Variants in RUBCN observed in about 807,000 individuals in gnomAD.
RUBCN encodes rubicon autophagy regulator.
RUBCN carries 74 observed loss-of-function variants against 113.2 expected under a neutral mutation model. The observed-to-expected ratio is 0.65, with a 90% CI of 0.54 to 0.79. The LOEUF is 0.79. Among genes scored for constraint, RUBCN ranks in the 30% least tolerant of loss-of-function variants. RUBCN has a pLI of 0.00. For synonymous variants in RUBCN, 480 were observed against 490.0 expected (o/e 0.98, Z 0.27); for missense variants, 1,109 against 1,251.7 (o/e 0.89, Z 1.72).
chr3:197,737,709 G>C (rs888686262), upstream of RUBCN, among the ~76,000 whole-genome samples: 2 of 152,136 alleles, frequency 1.3e-5, no homozygotes, highest in Admixed American at 1.3e-4. Context: ...CGAATCTGAT[G>C]AGAAAGCCAC....
chr3:197,746,739 C>A (rs1398792), intron 1 of RUBCN, among the ~76,000 whole-genome samples: 1 of 151,948 alleles, frequency 6.6e-6, no homozygotes, highest in Non-Finnish European at 1.5e-5. Flanking sequence ...TTGTGTGAAA[C>A]GAAGTCTTTT....
chr3:197,735,733 A>G (rs557938549), intron 1 of RUBCN, among the ~76,000 whole-genome samples: 173 of 152,210 alleles, frequency 1.1e-3, no homozygotes, highest in South Asian at 2.7e-3. Flanking sequence ...CTGGCACCAC[A>G]GGTGAGCACC....
intron 1 of RUBCN, among the ~76,000 whole-genome samples, chr3:197,724,917 C>T (rs1409779942): frequency 6.6e-6 from 1 of 152,084 alleles, no homozygotes; most frequent in Non-Finnish European, 1.5e-5. Context: ...TGGTGGCTCA[C>T]GCCTGTAACC....
At chr3:197,684,408 C>T (rs575091207) in intron 11 of RUBCN, among the ~76,000 whole-genome samples, 191 bp from the exon 12 acceptor site, 11 of 152,256 alleles carry the variant, frequency 7.2e-5, no homozygotes, top group Admixed American at 3.3e-4. Flanking sequence ...CAAAACCAGG[C>T]TGAATTAGTA....
At chr3:197,691,532 C>T (rs892445250) in intron 11 of RUBCN, among the ~76,000 whole-genome samples, 2 of 152,102 alleles carry the variant, frequency 1.3e-5, no homozygotes, top group African/African-American at 2.4e-5. Context: ...ATCTGGCCCA[C>T]GTGTTGGGAA....
In RUBCN at chr3:197,675,272, A is replaced by C; in HGVS notation, c.2741-76T>G. ...CCAGCTAGAGGTCAGTTGCTGCCAC[A>C]GCCCCTTCTCGCCACCAAGGCGTGG... On this transcript the variant is annotated intron_variant, in intron 19 of 19. Coordinates refer to ENST00000296343, the MANE Select transcript of RUBCN (RefSeq NM_014687.4). The surrounding 1 kb of genome is among the most constrained non-coding windows in gnomAD (Gnocchi z 4.4). The C allele has an allele frequency of 3.2e-6, 5 of 1,581,560 alleles. No homozygotes were observed. Among genetic ancestry groups the C allele is most frequent in the Middle Eastern group, 1.7e-4 (1 of 5,948 alleles).
chr3:197,746,643 TA>T (rs1209960897), intron 1 of RUBCN, among the ~76,000 whole-genome samples: 2 of 152,230 alleles, frequency 1.3e-5, no homozygotes, highest in African/African-American at 4.8e-5. Context: ...ATATTTGTAC[TA>T]AACAATTGTC....
chr3:197,725,267 G>A (rs569274785), intron 1 of RUBCN, among the ~76,000 whole-genome samples: 2 of 152,006 alleles, frequency 1.3e-5, no homozygotes, highest in South Asian at 2.1e-4. Flanking sequence ...CTGAGGTAGC[G>A]AGAGACTATC....
chr3:197,739,102 G>A (rs1056535051), upstream of RUBCN, among the ~76,000 whole-genome samples: 3 of 150,052 alleles, frequency 2.0e-5, no homozygotes, highest in South Asian at 2.2e-4. Flanking sequence ...CACCACGCCC[G>A]GCTAATTTTG....
chr3:197,737,865 C>T (rs28444284), upstream of RUBCN, among the ~76,000 whole-genome samples: 1 of 151,964 alleles, frequency 6.6e-6, no homozygotes, highest in Non-Finnish European at 1.5e-5. Flanking sequence ...AAACGTGGGC[C>T]TAGGGTTGCC....
At chr3:197,745,888 T>C (rs1003682023) in intron 1 of RUBCN, among the ~76,000 whole-genome samples, 1 of 152,018 alleles carries the variant, frequency 6.6e-6, no homozygotes, top group African/African-American at 2.4e-5. Flanking sequence ...AATACAAAAA[T>C]TAGCTGGGCG....
chr3:197,685,192 T>G (rs1245906979), intron 11 of RUBCN, among the ~76,000 whole-genome samples: 3 of 152,162 alleles, frequency 2.0e-5, no homozygotes, highest in Admixed American at 6.5e-5. Flanking sequence ...ACCCAAATAC[T>G]TTTGATGGGG....
At chr3:197,738,303 T>C (rs973363681), upstream of RUBCN, among the ~76,000 whole-genome samples, 1 of 152,190 alleles carries the variant, frequency 6.6e-6, no homozygotes, top group African/African-American at 2.4e-5. Context: ...CACTACTCTA[T>C]AAAGGACTGA....
rs1268220242 is a variant in RUBCN at position 197,670,989 on chromosome 3, A to G, written c.*4029T>C. Among the ~76,000 whole-genome samples the G allele has an allele frequency of 6.6e-6, 1 of 152,162 alleles. No homozygotes were observed. The highest frequency in any genetic ancestry group is 1.5e-5 in the Non-Finnish European group (1 of 68,022). On this transcript the variant is annotated 3_prime_UTR_variant, in exon 20 of 20. Transcript: ENST00000296343. ...AGAGGTGGTCACAATCCCGCCCCTC[A>G]TGCCACAGTGTGCTGGTGCTTTTTT...
chr3:197,721,303 T>TC (rs532335520), intron 1 of RUBCN, among the ~76,000 whole-genome samples: 14 of 152,200 alleles, frequency 9.2e-5, no homozygotes, highest in Non-Finnish European at 1.5e-4. Context: ...TATTGGTGTG[T>TC]CCAGGTTTTC....
At chr3:197,680,124 A>T (rs1351097726) in intron 16 of RUBCN, among the ~76,000 whole-genome samples, 3 of 119,260 alleles carry the variant, frequency 2.5e-5, no homozygotes, top group African/African-American at 1.0e-4. Context: ...CTGGCTTCAG[A>T]CTGTCCTACG....
At chr3:197,701,376 T>G (rs943860044) in intron 6 of RUBCN, among the ~76,000 whole-genome samples, 1 of 152,332 alleles carries the variant, frequency 6.6e-6, no homozygotes. Context: ...AGAGGACTGT[T>G]TGAAGGCTCA....
At chr3:197,677,132 T>C in intron 17 of RUBCN, 94 bp from the exon 18 acceptor site, 2 of 1,359,438 alleles carry the variant, frequency 1.5e-6, no homozygotes, top group Non-Finnish European at 2.1e-6. Flanking sequence ...CAGAAAGTAA[T>C]GAGGGTGGGC....
chr3:197,725,248 T>C (rs902416642), intron 1 of RUBCN, among the ~76,000 whole-genome samples: 5 of 152,102 alleles, frequency 3.3e-5, no homozygotes, highest in African/African-American at 1.2e-4. Flanking sequence ...GAAATAATTA[T>C]TGGTAACACT....
Sources: allele counts gnomAD v4.1 joint callset (sites outside exome capture counted in the v4.1 genomes callset), GRCh38; gene constraint gnomAD v4.1.1; non-coding constraint Gnocchi (gnomAD v3.1); transcripts MANE v1.5; gene names NCBI Gene and HGNC (gene_info 2026-07-23, HGNC 2026-07-21).